ADIPOR2: variants seen among roughly 807,000 people sequenced by gnomAD.
ADIPOR2 encodes the protein adiponectin receptor 2, also known as adiponectin receptor protein 2.
Under a neutral mutation model 40.9 loss-of-function variants are expected in ADIPOR2, and 18 were observed. The ratio of observed to expected loss-of-function variants is 0.44; its 90% CI spans 0.30 to 0.65. ADIPOR2 has a LOEUF of 0.65. ADIPOR2 is among the 30% of genes least tolerant of loss of function. The pLI is 0.09. For synonymous variants in ADIPOR2, 165 were observed against 166.4 expected, an observed-to-expected ratio of 0.99 and a Z score of 0.06; for missense variants, 283 against 479.2, an observed-to-expected ratio of 0.59 and a Z score of 3.82.
At chr12:1,775,529 TA>T (rs950364369) in intron 3 of ADIPOR2, among the ~76,000 whole-genome samples, 10 of 152,240 alleles carry the variant, frequency 6.6e-5, no homozygotes, top group African/African-American at 1.7e-4. Context: ...TTTTTGAATG[TA>T]AAAAAGGAAC....
At chr12:1,766,423 G>A (rs1862382490) in intron 2 of ADIPOR2, among the ~76,000 whole-genome samples, 1 of 152,176 alleles carries the variant, frequency 6.6e-6, no homozygotes, top group Non-Finnish European at 1.5e-5. Flanking sequence ...CCTGGGGCCT[G>A]AAATCTAGGT....
At chr12:1,777,798 T>C (rs1397212113) in intron 3 of ADIPOR2, 56 bp from the exon 4 acceptor site, 10 of 1,534,608 alleles carry the variant, frequency 6.5e-6, no homozygotes, top group Non-Finnish European at 8.9e-6. Context: ...TAGGGGTCAG[T>C]GTTGGTAAAT....
At chr12:1,748,415 A>AT in intron 1 of ADIPOR2, among the ~76,000 whole-genome samples, 1 of 151,786 alleles carries the variant, frequency 6.6e-6, no homozygotes. Context: ...CGCCTGGCTA[A>AT]TTTTTTATAT....
chr12:1,760,672 C>G (rs1024405459), intron 2 of ADIPOR2: 3 of 152,180 alleles, frequency 2.0e-5, no homozygotes, highest in Admixed American at 1.3e-4. Flanking sequence ...CTCTTTATGA[C>G]TGAATAATAT....
intron 1 of ADIPOR2, among the ~76,000 whole-genome samples, chr12:1,729,680 C>G (rs987543130): frequency 6.3e-5 from 5 of 78,810 alleles, no homozygotes; most frequent in African/African-American, 2.5e-4. Context: ...ATTTTCTTAT[C>G]CTATCCCTAA....
chr12:1,717,257 CTT>C (rs971787897), intron 1 of ADIPOR2, among the ~76,000 whole-genome samples: 7 of 152,258 alleles, frequency 4.6e-5, no homozygotes, highest in South Asian at 2.1e-4. Context: ...TGTTTAAAGT[CTT>C]TTAAAATTTT....
chr12:1,786,086 C>T lies in ADIPOR2; in HGVS notation c.*14C>T, dbSNP rs1203311284. The T allele has an allele frequency of 1.2e-6, 2 of 1,612,772 alleles. No individual in the cohort carries two copies. The highest frequency in any genetic ancestry group is 3.3e-5 in the Admixed American group (2 of 59,936). The stretch of plus-strand genomic sequence containing the variant: ...GATGCACTGTGATACCTACCAGTCT[C>T]CAGGGACTATGACCCTAAACCAGGG... On this transcript the variant is annotated 3_prime_UTR_variant, in exon 8 of 8. Transcript: ENST00000357103.
chr12:1,746,529 CAAGG>C (rs1174604654), intron 1 of ADIPOR2, among the ~76,000 whole-genome samples: 1 of 151,812 alleles, frequency 6.6e-6, no homozygotes, highest in African/African-American at 2.4e-5. Context: ...TTATAAGAGA[CAAGG>C]AAGAGCATTA....
intron 1 of ADIPOR2, among the ~76,000 whole-genome samples, chr12:1,729,617 GTTTTTTTTT>G (rs56921758): frequency 1.6e-4 from 14 of 88,992 alleles, no homozygotes; most frequent in African/African-American, 4.4e-4. Flanking sequence ...TCAGCCAGTT[GTTTTTTTTT>G]TTTTTTTTTT....
chr12:1,724,632 A>G (rs147979155), intron 1 of ADIPOR2, among the ~76,000 whole-genome samples: 2,440 of 152,262 alleles, frequency 0.016, 32 homozygotes, highest in Non-Finnish European at 0.026. Flanking sequence ...GATAATTTAG[A>G]TGGTAAATTT....
At chr12:1,728,702 C>T (rs1412357576) in intron 1 of ADIPOR2, among the ~76,000 whole-genome samples, 5 of 151,704 alleles carry the variant, frequency 3.3e-5, no homozygotes, top group East Asian at 2.0e-4. Context: ...CTAGGCTGGG[C>T]GACAGGGCAA....
chr12:1,710,049 T>TA (rs1304281621), intron 1 of ADIPOR2, among the ~76,000 whole-genome samples: 1 of 152,202 alleles, frequency 6.6e-6, no homozygotes, highest in Non-Finnish European at 1.5e-5. Flanking sequence ...GAGAGGATTG[T>TA]AAAATGCGCC....
At chr12:1,737,457 G>T (rs1819845115) in intron 1 of ADIPOR2, among the ~76,000 whole-genome samples, 2 of 152,176 alleles carry the variant, frequency 1.3e-5, no homozygotes, top group Middle Eastern at 6.8e-3. Context: ...TTGGTAGTTT[G>T]TTGTCTTCAT....
At chr12:1,746,555 C>T (rs189097314) in intron 1 of ADIPOR2, among the ~76,000 whole-genome samples, 5 of 151,964 alleles carry the variant, frequency 3.3e-5, no homozygotes, top group South Asian at 2.1e-4. Flanking sequence ...ATAGAAGAGT[C>T]GATACACCAA....
intron 1 of ADIPOR2, among the ~76,000 whole-genome samples, chr12:1,736,409 T>A (rs2094730819): frequency 6.6e-6 from 1 of 152,256 alleles, no homozygotes; most frequent in Admixed American, 6.5e-5. Flanking sequence ...TCTCTGATGG[T>A]ACTTTGTATT....
rs981519309 is a variant in ADIPOR2, at chr12:1,726,164, A to C, written c.-86-28094A>C. Among the ~76,000 whole-genome samples, 9 of 152,190 alleles carry C rather than the reference A, an allele frequency of 5.9e-5. No individual in the cohort carries two copies. The East Asian group carries it at 1.7e-3, about 29-fold the overall frequency. The stretch of plus-strand genomic sequence containing the variant: ...CAACATAACTGCCTTTTGAGGTATG[A>C]ACTGAAGGGAAGTGAAGTATAAGCA... On this transcript the variant is annotated intron_variant, in intron 1 of 7. Transcript: ENST00000357103.
At chr12:1,699,603 A>AT (rs1182943899) in intron 1 of ADIPOR2, among the ~76,000 whole-genome samples, 1 of 152,242 alleles carries the variant, frequency 6.6e-6, no homozygotes, top group African/African-American at 2.4e-5. Flanking sequence ...GTGAGCCGAG[A>AT]TAGCACCATT....
At chr12:1,736,379 C>T (rs148731048) in intron 1 of ADIPOR2, among the ~76,000 whole-genome samples, 109 of 152,294 alleles carry the variant, frequency 7.2e-4, no homozygotes, top group Middle Eastern at 3.4e-3. Flanking sequence ...AATTTATTTG[C>T]GTAGAGGTGT....
At chr12:1,743,118 G>A (rs1029553959) in intron 1 of ADIPOR2, among the ~76,000 whole-genome samples, 2 of 151,058 alleles carry the variant, frequency 1.3e-5, no homozygotes, top group South Asian at 2.1e-4. Flanking sequence ...AGGGCCGGAT[G>A]TGGTTGCTCA....
Sources: gnomAD v4.1 joint callset for allele counts (sites outside exome capture counted in the v4.1 genomes callset) on GRCh38, gnomAD v4.1.1 for gene constraint, MANE v1.5 for transcripts, NCBI Gene and HGNC (gene_info 2026-07-23, HGNC 2026-07-21) for gene names.